The following DRC9 variants were observed in gnomAD, a reference collection of about 807,000 sequenced individuals.
The protein encoded by DRC9 is dynein regulatory complex protein 9.
At chr3:197,925,503 G>A in the DRC9 span, among the ~76,000 whole-genome samples, 1 of 151,934 alleles carries the variant, frequency 6.6e-6, no homozygotes, top group African/African-American at 2.4e-5. Flanking sequence ...GGGCTCCAGG[G>A]GGTTGGGGTC....
chr3:197,928,882 T>TGAAGGCACTACACATCTTC, the DRC9 span, among the ~76,000 whole-genome samples: 1 of 152,142 alleles, frequency 6.6e-6, no homozygotes. Flanking sequence ...GCTCAGCACA[T>TGAAGGCACTACACATCTTC]GAAGGCACTA....
chr3:197,893,687 CAAA>C, the DRC9 span, among the ~76,000 whole-genome samples: 2 of 124,338 alleles, frequency 1.6e-5, no homozygotes, highest in Non-Finnish European at 3.6e-5. Flanking sequence ...ACTAAAACTA[CAAA>C]AAAAAAAAAA....
the DRC9 span, among the ~76,000 whole-genome samples, chr3:197,942,982 G>A: frequency 3.7e-3 from 564 of 150,790 alleles, 8 homozygotes; most frequent in Middle Eastern, 0.017. Context: ...TTTATAAATT[G>A]TTTCCATTTT....
the DRC9 span, among the ~76,000 whole-genome samples, chr3:197,917,341 A>G: frequency 6.6e-6 from 1 of 152,184 alleles, no homozygotes; most frequent in Non-Finnish European, 1.5e-5. Context: ...GATGAATCAG[A>G]ACGGAATTCT....
chr3:197,900,190 T>C, the DRC9 span, among the ~76,000 whole-genome samples: 2 of 152,178 alleles, frequency 1.3e-5, no homozygotes, highest in African/African-American at 4.8e-5. The surrounding 1 kb of genome is among the most constrained non-coding windows in gnomAD (Gnocchi z 4.7). Context: ...AAAGGCGGTC[T>C]AGGCCAGGAG....
chr3:197,912,018 AAT>A, the DRC9 span, among the ~76,000 whole-genome samples: 1 of 151,958 alleles, frequency 6.6e-6, no homozygotes, highest in East Asian at 1.9e-4. Flanking sequence ...ATTTAAAAAT[AAT>A]TAATTTAAAA....
the DRC9 span, chr3:197,892,605 G>A: frequency 3.1e-6 from 5 of 1,612,850 alleles, no homozygotes; most frequent in Middle Eastern, 1.6e-4. Context: ...TGTCCTCAGT[G>A]AGCGCCCTAA....
the DRC9 span, among the ~76,000 whole-genome samples, chr3:197,939,327 C>T: frequency 4.5e-3 from 687 of 152,274 alleles, 2 homozygotes; most frequent in Non-Finnish European, 7.9e-3. Context: ...ATACTAAAAG[C>T]AGAGGTTGAT....
the DRC9 span, among the ~76,000 whole-genome samples, chr3:197,902,781 G>T: frequency 0.14 from 21,043 of 151,978 alleles, 1,577 homozygotes; most frequent in South Asian, 0.19. Flanking sequence ...CAGATTCAAT[G>T]CACTCCCTAT....
the DRC9 span, chr3:197,953,870 G>A: frequency 2.5e-6 from 2 of 807,204 alleles, no homozygotes; most frequent in Admixed American, 2.0e-5. Context: ...AATGAATGGT[G>A]TTCTAGGCAT....
the DRC9 span, among the ~76,000 whole-genome samples, chr3:197,951,862 T>G: frequency 6.6e-6 from 1 of 152,040 alleles, no homozygotes. Context: ...CACGCCCGGC[T>G]AATTTTTGTA....
At chr3:197,950,261 A>T in the DRC9 span, 1 of 1,230,304 alleles carries the variant, frequency 8.1e-7, no homozygotes, top group Non-Finnish European at 1.0e-6. Context: ...GGGGCAAATA[A>T]CCGGAGTAGG....
chr3:197,954,273 T>C, the DRC9 span: 3 of 913,268 alleles, frequency 3.3e-6, no homozygotes, highest in African/African-American at 4.9e-5. Flanking sequence ...GCAAAATTTG[T>C]GTATTGCAGA....
At chr3:197,910,996 A>G in the DRC9 span, among the ~76,000 whole-genome samples, 10 of 151,854 alleles carry the variant, frequency 6.6e-5, no homozygotes, top group East Asian at 7.7e-4. Context: ...AAAAAAAAAA[A>G]AAAGAAAGAA....
At chr3:197,892,880 C>T in the DRC9 span, 3 of 1,267,586 alleles carry the variant, frequency 2.4e-6, no homozygotes, top group South Asian at 2.7e-5. Context: ...GAAGGCAGAA[C>T]AGTAGTTACT....
chr3:197,952,012 T>C, the DRC9 span, among the ~76,000 whole-genome samples: 34 of 152,316 alleles, frequency 2.2e-4, no homozygotes, highest in Middle Eastern at 3.4e-3. Context: ...TTTAGGTACC[T>C]TTTGCACTTG....
At chr3:197,955,429 A>G in the DRC9 span, among the ~76,000 whole-genome samples, 1 of 151,528 alleles carries the variant, frequency 6.6e-6, no homozygotes, top group African/African-American at 2.4e-5. Flanking sequence ...TGCCCAGCTG[A>G]TTTTTGTATT....
the DRC9 span, among the ~76,000 whole-genome samples, chr3:197,934,993 A>T: frequency 6.6e-6 from 1 of 152,070 alleles, no homozygotes; most frequent in African/African-American, 2.4e-5. Flanking sequence ...ATAATAAAAT[A>T]AAAATTAAAA....
At chr3:197,907,279 G>C in the DRC9 span, among the ~76,000 whole-genome samples, 1 of 152,136 alleles carries the variant, frequency 6.6e-6, no homozygotes, top group Non-Finnish European at 1.5e-5. Flanking sequence ...GGTGGTAGAC[G>C]TGTAAGTCAC....
Sources: gnomAD v4.1 joint callset for allele counts (sites outside exome capture counted in the v4.1 genomes callset) on GRCh38, gnomAD v4.1.1 for gene constraint, Gnocchi (gnomAD v3.1) non-coding constraint, MANE v1.5 for transcripts, NCBI Gene and HGNC (gene_info 2026-07-23, HGNC 2026-07-21) for gene names.